CMTM8: variants seen among roughly 807,000 people sequenced by gnomAD.
CMTM8 encodes the protein CKLF like MARVEL transmembrane domain containing 8.
In CMTM8, 12 loss-of-function variants were observed where a neutral mutation model predicts 18.6. That is an observed-to-expected ratio of 0.65 (90% CI 0.41 to 1.05). The LOEUF (loss-of-function observed/expected upper bound fraction) is 1.05, where lower values mean the gene tolerates loss of function less well. Ranked by LOEUF, CMTM8 falls within the 50% of genes least tolerant of loss-of-function variation. The pLI is 0.00. For synonymous variants in CMTM8, 87 were observed against 90.6 expected (o/e 0.96, Z 0.23); for missense variants, 217 against 227.2 (o/e 0.95, Z 0.29).
chr3:32,289,939 T>A (rs1702751469), intron 1 of CMTM8, among the ~76,000 whole-genome samples: 1 of 152,124 alleles, frequency 6.6e-6, no homozygotes, highest in South Asian at 2.1e-4. Flanking sequence ...AAGGTCAGCC[T>A]GGGCAACATG....
intron 1 of CMTM8, among the ~76,000 whole-genome samples, chr3:32,292,271 T>C (rs548866341): frequency 2.0e-5 from 3 of 152,234 alleles, no homozygotes; most frequent in Admixed American, 6.5e-5. Context: ...TCAGAGGAGA[T>C]TGCGAAATTG....
At chr3:32,260,676 T>C (rs1346269854) in intron 1 of CMTM8, among the ~76,000 whole-genome samples, 1 of 139,906 alleles carries the variant, frequency 7.1e-6, no homozygotes, top group Non-Finnish European at 1.6e-5. Flanking sequence ...AAGTTTTTTT[T>C]TTTTCCCCCT....
At position 32,363,042 on chromosome 3, in the gene CMTM8, T is replaced by C. The variant is rs528729401; in HGVS notation, c.322-4830T>C. 3.3e-5 allele frequency among the ~76,000 whole-genome samples: 5 copies of C among 152,318 alleles called. No homozygotes were observed. In the East Asian group the frequency reaches 7.7e-4, roughly 23 times the overall value. On this transcript the variant is annotated intron_variant, in intron 2 of 3. Transcript: ENST00000307526. ...GAAAAGTAAGTTACTGTGTATACTT[T>C]ATAGTTTACACAACTCTTTAACAAT...
At chr3:32,266,534 A>G (rs1263422092) in intron 1 of CMTM8, among the ~76,000 whole-genome samples, 1 of 152,238 alleles carries the variant, frequency 6.6e-6, no homozygotes, top group East Asian at 1.9e-4. Context: ...TTCCCTTTGA[A>G]AACTGGCACG....
At chr3:32,286,045 T>G (rs919025300) in intron 1 of CMTM8, among the ~76,000 whole-genome samples, 3 of 152,158 alleles carry the variant, frequency 2.0e-5, no homozygotes, top group Non-Finnish European at 2.9e-5. Flanking sequence ...TAGCTAAAGC[T>G]CAGGGCCTTC....
chr3:32,254,155 A>C (rs527965065), intron 1 of CMTM8, among the ~76,000 whole-genome samples: 1 of 152,258 alleles, frequency 6.6e-6, no homozygotes, highest in South Asian at 2.1e-4. Flanking sequence ...CGGTCTCCCA[A>C]AATGCTGGGA....
chr3:32,277,972 T>C (rs2125547824), intron 1 of CMTM8, among the ~76,000 whole-genome samples: 1 of 152,346 alleles, frequency 6.6e-6, no homozygotes, highest in South Asian at 2.1e-4. Context: ...CTTGTTTTTC[T>C]GTCATGACAG....
At chr3:32,298,941 G>GTGTA (rs1553604477) in intron 1 of CMTM8, among the ~76,000 whole-genome samples, 4 of 125,024 alleles carry the variant, frequency 3.2e-5, no homozygotes, top group African/African-American at 1.2e-4. Flanking sequence ...ATATATATAT[G>GTGTA]TATATATATA....
intron 1 of CMTM8, among the ~76,000 whole-genome samples, chr3:32,294,132 A>G (rs761486380): frequency 5.9e-5 from 9 of 152,144 alleles, no homozygotes; most frequent in Non-Finnish European, 1.2e-4. Flanking sequence ...ATTCTTGCCT[A>G]TCCCATAGGT....
At chr3:32,346,179 C>A (rs1230585679) in intron 1 of CMTM8, among the ~76,000 whole-genome samples, 1 of 152,032 alleles carries the variant, frequency 6.6e-6, no homozygotes, top group African/African-American at 2.4e-5. Flanking sequence ...AAAGAAAATT[C>A]TAGAAATCAG....
chr3:32,331,531 C>A (rs1295782327), intron 1 of CMTM8, among the ~76,000 whole-genome samples: 15 of 141,444 alleles, frequency 1.1e-4, no homozygotes, highest in South Asian at 2.2e-4. Context: ...AAAAAAAAAA[C>A]AATGAACAAA....
chr3:32,275,436 T>G (rs956305632), intron 1 of CMTM8, among the ~76,000 whole-genome samples: 17 of 152,154 alleles, frequency 1.1e-4, no homozygotes. Flanking sequence ...AAAATATGTC[T>G]AATAATACCC....
rs1328825145 is a variant in CMTM8 at position 32,358,728 on chromosome 3, TA to T, written c.321+1184del. Among the ~76,000 whole-genome samples the T allele has an allele frequency of 6.6e-6, 1 of 152,202 alleles. No homozygotes were observed. The highest frequency in any genetic ancestry group is 1.5e-5 in the Non-Finnish European group (1 of 68,030). ...AAATCCAAAAGTAAGGACTCTTTAT[TA>T]AGATTTTCAAGAAAGCGTTGCAAGT... On this transcript the variant is annotated intron_variant, in intron 2 of 3. Transcript: ENST00000307526. This position sits in a 1 kb window ranked among gnomAD's most constrained non-coding sequence, Gnocchi z 4.1.
rs111685584 is a variant in CMTM8, at chr3:32,256,346, A to G, written c.147+17227A>G. On this transcript the variant is annotated intron_variant, in intron 1 of 3. Coordinates refer to ENST00000307526, the MANE Select transcript of CMTM8 (RefSeq NM_178868.5). ...CGGCTTCCCAGAGTGCTGGGATTAC[A>G]GGTGTGAGTCACTGTACCTGGCTGC... 2.8e-3 allele frequency among the ~76,000 whole-genome samples: 426 copies of G among 152,258 alleles called. 3 individuals carry two copies. The highest frequency in any genetic ancestry group is 9.2e-3 in the African/African-American group (384 of 41,548).
intron 1 of CMTM8, among the ~76,000 whole-genome samples, chr3:32,252,273 C>T (rs1002009436): frequency 3.9e-5 from 6 of 152,080 alleles, no homozygotes; most frequent in Non-Finnish European, 7.4e-5. Context: ...TGTGAATTCC[C>T]AGGCCCTTTT....
At chr3:32,285,171 A>G (rs1288117654) in intron 1 of CMTM8, among the ~76,000 whole-genome samples, 1 of 152,180 alleles carries the variant, frequency 6.6e-6, no homozygotes, top group African/African-American at 2.4e-5. Flanking sequence ...AGTAGTAAAA[A>G]GCAGGGACCT....
intron 1 of CMTM8, among the ~76,000 whole-genome samples, chr3:32,245,926 A>G (rs957140500): frequency 6.6e-6 from 1 of 152,086 alleles, no homozygotes; most frequent in African/African-American, 2.4e-5. Context: ...AGCAATGCTC[A>G]TGCCTCAGCC....
chr3:32,355,176 T>C (rs887925977), intron 1 of CMTM8, among the ~76,000 whole-genome samples: 6 of 152,156 alleles, frequency 3.9e-5, no homozygotes, highest in African/African-American at 1.4e-4. Context: ...GGCTTCAAGA[T>C]CTTCACAGGA....
chr3:32,313,214 AACC>A (rs747295142), intron 1 of CMTM8, among the ~76,000 whole-genome samples: 3 of 151,938 alleles, frequency 2.0e-5, no homozygotes, highest in Non-Finnish European at 2.9e-5. Flanking sequence ...AAAACTGAAA[AACC>A]AGACTGCTGG....
Sources: gnomAD v4.1 joint callset for allele counts (sites outside exome capture counted in the v4.1 genomes callset) on GRCh38, gnomAD v4.1.1 for gene constraint, Gnocchi (gnomAD v3.1) non-coding constraint, MANE v1.5 for transcripts, NCBI Gene and HGNC (gene_info 2026-07-23, HGNC 2026-07-21) for gene names.